The following SLC4A4 variants were observed in gnomAD, a reference collection of about 807,000 sequenced individuals.
SLC4A4 encodes the protein electrogenic sodium bicarbonate cotransporter 1.
SLC4A4 carries 27 observed loss-of-function variants against 111.5 expected under a neutral mutation model. That is an observed-to-expected ratio of 0.24 (90% confidence interval 0.18 to 0.33). The LOEUF is 0.33. Ranked by LOEUF, SLC4A4 falls within the 10% of genes least tolerant of loss-of-function variation. SLC4A4 has a pLI of 1.00. For synonymous variants in SLC4A4, 443 were observed against 463.4 expected (o/e 0.96, Z 0.57); for missense variants, 909 against 1,315.5 (o/e 0.69, Z 4.78).
intron 2 of SLC4A4, among the ~76,000 whole-genome samples, chr4:71,133,917 C>T (rs558537525): frequency 6.6e-6 from 1 of 152,248 alleles, no homozygotes; most frequent in South Asian, 2.1e-4. Flanking sequence ...CTTGCTCTGT[C>T]TTGCTGGCAC....
chr4:71,495,762 C>T (rs913351002), intron 15 of SLC4A4, among the ~76,000 whole-genome samples: 1 of 152,046 alleles, frequency 6.6e-6, no homozygotes, highest in African/African-American at 2.4e-5. Flanking sequence ...ATTTATCTTT[C>T]CACATTTATT....
At chr4:71,565,513 A>T (rs1737389674) in intron 24 of SLC4A4, among the ~76,000 whole-genome samples, 1 of 151,806 alleles carries the variant, frequency 6.6e-6, no homozygotes, top group African/African-American at 2.4e-5. Flanking sequence ...TTGTGTGATC[A>T]TCTGAAGCTG....
intron 2 of SLC4A4, among the ~76,000 whole-genome samples, chr4:71,109,327 A>C (rs1194397478): frequency 6.6e-6 from 1 of 151,962 alleles, no homozygotes. Context: ...CCAAAAGAGG[A>C]AAAAGAGAAA....
chr4:71,100,588 T>A (rs1020953825), intron 2 of SLC4A4, among the ~76,000 whole-genome samples: 5 of 152,082 alleles, frequency 3.3e-5, no homozygotes, highest in African/African-American at 1.2e-4. Context: ...TATTGTAAGG[T>A]CTGCCCAGAG....
intron 2 of SLC4A4, among the ~76,000 whole-genome samples, chr4:71,093,227 G>T (rs749902898): frequency 3.6e-4 from 55 of 151,406 alleles, no homozygotes; most frequent in Non-Finnish European, 7.2e-4. Context: ...GAGTGCACTG[G>T]CGTCATCTTG....
intron 3 of SLC4A4, among the ~76,000 whole-genome samples, chr4:71,271,904 T>C (rs1272300433): frequency 1.3e-5 from 2 of 152,238 alleles, no homozygotes; most frequent in African/African-American, 4.8e-5. Context: ...CAACTATCTT[T>C]TAAAGGTATC....
At chr4:71,289,061 A>G (rs1351325149) in intron 3 of SLC4A4, among the ~76,000 whole-genome samples, 1 of 152,104 alleles carries the variant, frequency 6.6e-6, no homozygotes, top group Non-Finnish European at 1.5e-5. Context: ...GCTTTGTTAT[A>G]CCTCTGGGAG....
chr4:71,216,743 C>T (rs886122957), intron 1 of SLC4A4, among the ~76,000 whole-genome samples: 6 of 152,246 alleles, frequency 3.9e-5, no homozygotes, highest in East Asian at 1.9e-4. Flanking sequence ...ATTCTCTCTC[C>T]GCCAGTTGCT....
chr4:71,175,012 C>G (rs1171583858), intron 2 of SLC4A4, among the ~76,000 whole-genome samples: 3 of 152,216 alleles, frequency 2.0e-5, no homozygotes, highest in African/African-American at 7.2e-5. Context: ...CTAGTCTTGT[C>G]ACTGGTGTCT....
chr4:71,265,040 A>G (rs1722136091), intron 3 of SLC4A4, among the ~76,000 whole-genome samples: 1 of 152,274 alleles, frequency 6.6e-6, no homozygotes, highest in African/African-American at 2.4e-5. Context: ...TCTTCGTGAA[A>G]CTGACTTTGG....
chr4:71,211,022 G>T (rs140077705), intron 1 of SLC4A4, among the ~76,000 whole-genome samples: 1 of 152,124 alleles, frequency 6.6e-6, no homozygotes, highest in Non-Finnish European at 1.5e-5. Flanking sequence ...AAGAAAACTC[G>T]CATTCAGAAT....
chr4:71,424,284 C>G (rs1279494812), intron 7 of SLC4A4, among the ~76,000 whole-genome samples: 1 of 152,072 alleles, frequency 6.6e-6, no homozygotes, highest in African/African-American at 2.4e-5. Flanking sequence ...ATCAAAACCA[C>G]AATGAGATAT....
intron 12 of SLC4A4, among the ~76,000 whole-genome samples, chr4:71,460,829 T>C (rs1006845858): frequency 6.6e-6 from 1 of 152,134 alleles, no homozygotes; most frequent in Non-Finnish European, 1.5e-5. Context: ...ATTGTCTTCA[T>C]TGGTTCTGAT....
chr4:71,202,448 T>G (rs1746300637), intron 1 of SLC4A4, among the ~76,000 whole-genome samples: 1 of 152,196 alleles, frequency 6.6e-6, no homozygotes, highest in Non-Finnish European at 1.5e-5. Context: ...TTGTTTATTT[T>G]TAAGGGACTA....
chr4:71,268,075 GTTTTTTTTTTT>G (rs10657146), intron 3 of SLC4A4, among the ~76,000 whole-genome samples: 1 of 87,586 alleles, frequency 1.1e-5, no homozygotes, highest in Non-Finnish European at 2.0e-5. Flanking sequence ...ATAAAGTAGT[GTTTTTTTTTTT>G]TTTTTTTTTT....
intron 4 of SLC4A4, among the ~76,000 whole-genome samples, chr4:71,341,043 C>A (rs2148891333): frequency 6.6e-6 from 1 of 152,232 alleles, no homozygotes; most frequent in African/African-American, 2.4e-5. Flanking sequence ...GTTGGTCTCT[C>A]ATTGTCATCA....
intron 2 of SLC4A4, among the ~76,000 whole-genome samples, chr4:71,166,915 T>G (rs1456938277): frequency 6.6e-6 from 1 of 152,190 alleles, no homozygotes; most frequent in Non-Finnish European, 1.5e-5. Context: ...ATAGTTCAGA[T>G]GTATTTTTTC....
rs1741488140 is a variant in SLC4A4, at chr4:71,065,310, G to A, written c.-65+2522G>A. ...TGATTGTACTGTTAAGTTAATGAAG[G>A]GTAGGGGGTATTTTGCCCATCGTCA... is the stretch of plus-strand genomic sequence containing the variant. On this transcript the variant is annotated intron_variant, in intron 1 of 26. Transcript: ENST00000649996. Among the ~76,000 whole-genome samples, 3 of 149,804 alleles carry A rather than the reference G, an allele frequency of 2.0e-5. No homozygotes were observed. In the South Asian group the frequency reaches 6.3e-4, roughly 32 times the overall value.
intron 3 of SLC4A4, among the ~76,000 whole-genome samples, chr4:71,317,079 T>TGC (rs1293646596): frequency 1.8e-4 from 4 of 22,376 alleles, no homozygotes; most frequent in Admixed American, 1.4e-3. Context: ...TGTGTGCGTG[T>TGC]GTGTGTGTGT....
Sources: allele counts gnomAD v4.1 joint callset (sites outside exome capture counted in the v4.1 genomes callset), GRCh38; gene constraint gnomAD v4.1.1; transcripts MANE v1.5; gene names NCBI Gene and HGNC (gene_info 2026-07-23, HGNC 2026-07-21).